The following NASP variants were observed in gnomAD, a reference collection of about 807,000 sequenced individuals.
NASP encodes NASP histone chaperone.
In NASP, 24 loss-of-function variants were observed where a neutral mutation model predicts 89.5. The observed-to-expected ratio is 0.27, with a 90% CI of 0.19 to 0.38. The LOEUF is 0.38. Ranked by LOEUF, NASP falls within the 10% of genes least tolerant of loss-of-function variation. The pLI is 1.00. For synonymous variants in NASP, 306 were observed against 324.7 expected (o/e 0.94, Z 0.62); for missense variants, 848 against 921.4 (o/e 0.92, Z 1.03).
At position 45,601,786 on chromosome 1, in the gene NASP, C is replaced by T. The variant is rs558548421; in HGVS notation, c.108-469C>T. ...TTTTTTTTTTTTTGAGGTGGAGTCTCGCTTTGTTGACCAGGCTGGAGTGCA... is the reference window on the plus strand; with the variant it reads ...TTTTTTTTTTTTTGAGGTGGAGTCTTGCTTTGTTGACCAGGCTGGAGTGCA... On this transcript the variant is annotated intron_variant, in intron 2 of 14. Transcript: ENST00000350030. 2.9e-3 allele frequency among the ~76,000 whole-genome samples: 275 copies of T among 96,030 alleles called. 3 individuals carry two copies. The highest frequency in any genetic ancestry group is 0.01 in the African/African-American group (261 of 25,482). The allele number at this position is 96,030 out of a possible 152,430, so 63.0% of individuals were successfully genotyped here.
At position 45,602,351 on chromosome 1, in the gene NASP, A is replaced by G. The variant is rs778428611; in HGVS notation, c.204A>G (p.Glu68=). The change falls in exon 3 of 15, where the codon GAA becomes GAG. Residue 68 remains glutamate (E), a synonymous_variant. Transcript: ENST00000350030. ...CAGCAGCTGTCAATGCATTCCAGGA[A>G]GCAGCTAGTCTTTTGTAAGTATTGT... ...DIPAAVNAFQ[E]AASLLGKKYG... The G allele has an allele frequency of 1.9e-6, 3 of 1,613,220 alleles. No individual in the cohort carries two copies. Among genetic ancestry groups the G allele is most frequent in the African/African-American group, 2.7e-5 (2 of 74,910 alleles).
intron 2 of NASP, among the ~76,000 whole-genome samples, chr1:45,593,592 A>G (rs1643608514): frequency 1.3e-5 from 2 of 150,622 alleles, no homozygotes; most frequent in African/African-American, 4.9e-5. Context: ...TTTCATGCTG[A>G]AAGTCAGATT....
At chr1:45,593,855 CAA>C (rs71056313) in intron 2 of NASP, among the ~76,000 whole-genome samples, 59 of 145,512 alleles carry the variant, frequency 4.1e-4, no homozygotes, top group African/African-American at 1.2e-3. Flanking sequence ...GCCATCTGTA[CAA>C]AAAAAAAAAA....
At chr1:45,602,906 C>T (rs1455420893) in intron 3 of NASP, among the ~76,000 whole-genome samples, 1 of 152,184 alleles carries the variant, frequency 6.6e-6, no homozygotes, top group African/African-American at 2.4e-5. Context: ...AAAGGGATTA[C>T]AGGCATGAGC....
intron 13 of NASP, chr1:45,617,123 G>A (rs1557668564): frequency 6.5e-6 from 2 of 307,804 alleles, no homozygotes; most frequent in Non-Finnish European, 1.2e-5. Flanking sequence ...GATTATAAGC[G>A]TGAGCCACTG....
intron 5 of NASP, 85 bp downstream of exon 5, chr1:45,606,676 C>T: frequency 1.1e-6 from 1 of 884,806 alleles, no homozygotes; most frequent in East Asian, 2.6e-5. Context: ...TCTACCTGTC[C>T]TGGATGGTCT....
At chr1:45,586,306 TGTG>T (rs1644548737) in intron 1 of NASP, among the ~76,000 whole-genome samples, 19 of 130,956 alleles carry the variant, frequency 1.5e-4, no homozygotes, top group African/African-American at 4.9e-4. Flanking sequence ...TGTGTGTGTG[TGTG>T]GTGTGTGTGT....
rs769592053 is a variant in NASP at position 45,607,358 on chromosome 1, C to A, written c.447C>A (p.Asp149Glu). 6.2e-7 allele frequency: 1 copy of A among 1,613,804 alleles called. No homozygotes were observed. Among genetic ancestry groups the A allele is most frequent in the Non-Finnish European group, 8.5e-7 (1 of 1,179,922 alleles). The change falls in exon 6 of 15, where the codon GAC (aspartate) becomes GAA (glutamate). Residue 149 changes from aspartate to glutamate, a missense_variant. Transcript: ENST00000350030. ...AREELREQVY[D>E]AMGEKEEAKK... ...AAGAGTTGAGAGAACAGGTTTATGACGCCATGGGAGAAAAAGAAGAAGCCA... is the reference window on the plus strand; with the variant it reads ...AAGAGTTGAGAGAACAGGTTTATGAAGCCATGGGAGAAAAAGAAGAAGCCA...
chr1:45,597,051 T>C (rs1231661017), intron 2 of NASP, among the ~76,000 whole-genome samples: 1 of 152,142 alleles, frequency 6.6e-6, no homozygotes. Context: ...GGCTCACGCA[T>C]GTAATCCCAG....
chr1:45,616,493 C>T (rs1459389903), intron 12 of NASP, 100 bp downstream of exon 12: 11 of 1,512,248 alleles, frequency 7.3e-6, no homozygotes, highest in Non-Finnish European at 9.2e-6. Context: ...GGAAGATTGC[C>T]TGAGGCTTGG....
chr1:45,613,690 G>T (rs962754190), intron 7 of NASP, among the ~76,000 whole-genome samples: 8 of 152,216 alleles, frequency 5.3e-5, no homozygotes, highest in African/African-American at 1.9e-4. Flanking sequence ...CTGTCTTGCT[G>T]TGCTGCCCAG....
chr1:45,590,409 T>C (rs1643505941), intron 1 of NASP, among the ~76,000 whole-genome samples: 1 of 151,670 alleles, frequency 6.6e-6, no homozygotes, highest in African/African-American at 2.4e-5. Context: ...CCGGGCATGG[T>C]GGCCGGTGCA....
chr1:45,614,400 T>G (rs752228040), intron 9 of NASP, 34 bp downstream of exon 9: 1 of 1,494,224 alleles, frequency 6.7e-7, no homozygotes, highest in South Asian at 1.1e-5. Flanking sequence ...TCTCCTACTC[T>G]CTTCAGCTCC....
At chr1:45,593,535 C>CGA (rs1461638699) in intron 2 of NASP, among the ~76,000 whole-genome samples, 4 of 82,418 alleles carry the variant, frequency 4.9e-5, no homozygotes, top group Admixed American at 1.5e-4. Context: ...TGTCCCCCCC[C>CGA]AAAAAAAAAA....
chr1:45,584,063 C>T lies in NASP; in HGVS notation c.-84C>T, dbSNP rs914931562. 9.0e-6 allele frequency: 12 copies of T among 1,334,228 alleles called. No homozygotes were observed. The highest frequency in any genetic ancestry group is 3.9e-5 in the South Asian group (3 of 77,896). The allele number at this position is 1,334,228 out of a possible 1,614,324, so 82.6% of individuals were successfully genotyped here. On this transcript the variant is annotated 5_prime_UTR_variant, in exon 1 of 15. Coordinates refer to ENST00000350030, the MANE Select transcript of NASP (RefSeq NM_002482.4). ...GGTCTCTAATCTGCCATTTTCTGTCCCTGAGTGAGTCTCTGGCGTCCCAAA... is the reference window on the plus strand; with the variant it reads ...GGTCTCTAATCTGCCATTTTCTGTCTCTGAGTGAGTCTCTGGCGTCCCAAA...
rs774285888 is a variant in NASP at position 45,607,927 on chromosome 1, C to T, written c.1016C>T (p.Pro339Leu). The change falls in exon 6 of 15, where the codon CCA becomes CTA. Residue 339 changes from proline (P) to leucine (L), a missense_variant. Physicochemically the swap from Pro to Leu is moderately conservative, Grantham distance 98. Coordinates refer to ENST00000350030, the MANE Select transcript of NASP (RefSeq NM_002482.4). The part of the protein sequence containing the change: ...VLEQLVGQEV[P>L]PAEESPEVTT... ...GAACAACTGGTAGGTCAAGAAGTAC[C>T]ACCTGCTGAAGAGTCACCAGAGGTG... The T allele has an allele frequency of 1.9e-6, 3 of 1,614,062 alleles. No individual in the cohort carries two copies. The highest frequency in any genetic ancestry group is 2.5e-6 in the Non-Finnish European group (3 of 1,180,006).
intron 14 of NASP, 93 bp downstream of exon 14, chr1:45,617,684 G>A (rs1022831186): frequency 7.1e-7 from 1 of 1,408,304 alleles, no homozygotes; most frequent in South Asian, 1.5e-5. Flanking sequence ...TCCCCACCTT[G>A]AGCCTGCTAA....
rs766619666 is a variant in NASP, at chr1:45,608,322, A to G, written c.1411A>G (p.Met471Val). 3 of 1,608,668 alleles carry G rather than the reference A, an allele frequency of 1.9e-6. No individual in the cohort carries two copies. Among genetic ancestry groups the G allele is most frequent in the African/African-American group, 1.3e-5 (1 of 74,862 alleles). Residue 471 changes from methionine to valine, a missense_variant, in exon 6 of 15, where the codon ATG becomes GTG. Coordinates refer to ENST00000350030, the MANE Select transcript of NASP (RefSeq NM_002482.4). ...NEETQEREEQ[M>V]KEGEETEGSE... is the part of the protein sequence containing the mutation. ...AGAGACACAAGAGAGAGAAGAACAG[A>G]TGAAAGAGGGTGAAGGTAACCGGGA... is the stretch of plus-strand genomic sequence containing the variant.
Position 45,602,310 on chromosome 1 carries a change from G to T in NASP, c.163G>T (p.Val55Leu). The T allele has an allele frequency of 6.2e-7, 1 of 1,613,814 alleles. No individual in the cohort carries two copies. Among genetic ancestry groups the T allele is most frequent in the Non-Finnish European group, 8.5e-7 (1 of 1,179,782 alleles). The change falls in exon 3 of 15, where the codon GTG becomes TTG. Residue 55 changes from valine (V) to leucine (L), a missense_variant. By Grantham distance (32) the Val-to-Leu change is conservative. Coordinates refer to ENST00000350030, the MANE Select transcript of NASP (RefSeq NM_002482.4). The part of the protein sequence containing the change: ...KLLGLGQKHL[V>L]MGDIPAAVNA... The stretch of plus-strand genomic sequence containing the variant: ...ATTGGGTTTAGGACAGAAACATCTG[G>T]TGATGGGGGATATTCCAGCAGCTGT...
Sources: allele counts gnomAD v4.1 joint callset (sites outside exome capture counted in the v4.1 genomes callset), GRCh38; gene constraint gnomAD v4.1.1; transcripts MANE v1.5; gene names NCBI Gene and HGNC (gene_info 2026-07-23, HGNC 2026-07-21).